The following DEPDC5 variants were observed in gnomAD, a reference collection of about 807,000 sequenced individuals.
DEPDC5 encodes the protein DEP domain containing 5, GATOR1 subcomplex subunit, also known as GATOR1 complex protein DEPDC5.
A neutral mutation model predicts 217.3 loss-of-function variants in DEPDC5; 73 were observed. That is an observed-to-expected ratio of 0.34 (90% CI 0.28 to 0.41). The LOEUF (loss-of-function observed/expected upper bound fraction) is 0.41, where lower values mean the gene tolerates loss of function less well. DEPDC5 is among the 10% of genes least tolerant of loss of function. The probability of loss-of-function intolerance (pLI) is 1.00; values close to 1 mark genes in which losing one functional copy is unlikely to be tolerated. For synonymous variants in DEPDC5, 733 were observed against 756.7 expected, an observed-to-expected ratio of 0.97 and a Z score of 0.51; for missense variants, 1,675 against 2,070.1, an observed-to-expected ratio of 0.81 and a Z score of 3.70.
At chr22:31,833,055 A>G (rs79098151) in intron 24 of DEPDC5, among the ~76,000 whole-genome samples, 3,802 of 152,288 alleles carry the variant, frequency 0.025, 59 homozygotes, top group African/African-American at 0.041. Context: ...CCTTTTTAAA[A>G]AAATATTTTT....
intron 32 of DEPDC5, among the ~76,000 whole-genome samples, chr22:31,860,051 T>C (rs1248499666): frequency 6.6e-6 from 1 of 152,204 alleles, no homozygotes; most frequent in Non-Finnish European, 1.5e-5. Context: ...AGAGAAATTA[T>C]AGTCGCAAAT....
At chr22:31,832,335 G>C (rs1602255990) in intron 24 of DEPDC5, among the ~76,000 whole-genome samples, 1 of 152,176 alleles carries the variant, frequency 6.6e-6, no homozygotes, top group African/African-American at 2.4e-5. Flanking sequence ...TGGTAAATCT[G>C]TTTTCCAAAG....
At chr22:31,883,021 C>T (rs989174890) in intron 38 of DEPDC5, among the ~76,000 whole-genome samples, 2 of 152,194 alleles carry the variant, frequency 1.3e-5, no homozygotes, top group Non-Finnish European at 2.9e-5. Flanking sequence ...GGTTTCTCAA[C>T]TTCAGCACTA....
intron 5 of DEPDC5, 73 bp downstream of exon 5, chr22:31,765,133 A>G: frequency 8.6e-7 from 1 of 1,166,670 alleles, no homozygotes; most frequent in African/African-American, 1.5e-5. Context: ...TACTAAGGAA[A>G]CAATGGGTTA....
At chr22:31,754,728 G>A in intron 1 of DEPDC5, 134 bp from the exon 2 acceptor site, 1 of 617,208 alleles carries the variant, frequency 1.6e-6, no homozygotes, top group Non-Finnish European at 2.9e-6. Flanking sequence ...AACTGGAGGA[G>A]TGACTTCTTC....
chr22:31,827,879 A>G (rs558286375), intron 24 of DEPDC5, among the ~76,000 whole-genome samples: 30 of 152,272 alleles, frequency 2.0e-4, no homozygotes, highest in African/African-American at 6.3e-4. Flanking sequence ...GTGAACCCAT[A>G]TGACTATTAA....
chr22:31,756,857 G>T (rs1448327587), intron 2 of DEPDC5, among the ~76,000 whole-genome samples: 1 of 151,606 alleles, frequency 6.6e-6, no homozygotes, highest in East Asian at 1.9e-4. Flanking sequence ...GGAGGCAGAG[G>T]TTGCAGTGAG....
At chr22:31,845,731 A>C (rs2091688888) in intron 30 of DEPDC5, among the ~76,000 whole-genome samples, 1 of 151,922 alleles carries the variant, frequency 6.6e-6, no homozygotes, top group Non-Finnish European at 1.5e-5. Flanking sequence ...TTTTTTTTAA[A>C]CATATAGTAT....
At chr22:31,814,835 G>C in intron 20 of DEPDC5, 157 bp from the exon 21 acceptor site, 1 of 671,832 alleles carries the variant, frequency 1.5e-6, no homozygotes, top group Non-Finnish European at 2.6e-6. Flanking sequence ...AGCTGTTAAG[G>C]GTGAAGTACC....
chr22:31,837,352 C>CTTT, intron 26 of DEPDC5, 197 bp downstream of exon 26: 4 of 544,504 alleles, frequency 7.3e-6, no homozygotes, highest in Middle Eastern at 5.1e-4. Flanking sequence ...TTTTTTTTTC[C>CTTT]TTTTTTTTTT....
chr22:31,845,128 A>G lies in DEPDC5; in HGVS notation c.2912A>G (p.Asp971Gly). 6.2e-7 allele frequency: 1 copy of G among 1,614,178 alleles called. No homozygotes were observed. The highest frequency in any genetic ancestry group is 1.7e-5 in the Admixed American group (1 of 60,020). ...GAGGCCCACTGCGACATCTATGGGGACAGGCCCCGTGCAGACGAGGACGAG... is the reference window on the plus strand; with the variant it reads ...GAGGCCCACTGCGACATCTATGGGGGCAGGCCCCGTGCAGACGAGGACGAG... ...EGEAHCDIYG[D>G]RPRADEDEWQ... Residue 971 changes from aspartate to glycine, a missense_variant, in exon 30 of 43, where the codon GAC (aspartate) becomes GGC (glycine). Coordinates refer to ENST00000651528, the MANE Select transcript of DEPDC5 (RefSeq NM_001242896.3).
At chr22:31,786,945 A>AT (rs1421270162) in intron 10 of DEPDC5, among the ~76,000 whole-genome samples, 2 of 151,872 alleles carry the variant, frequency 1.3e-5, no homozygotes, top group East Asian at 1.9e-4. Flanking sequence ...TGCCCAGCTA[A>AT]TTTTTTGTAT....
chr22:31,861,278 T>A, intron 32 of DEPDC5, 90 bp from the exon 33 acceptor site: 1 of 1,184,288 alleles, frequency 8.4e-7, no homozygotes, highest in Non-Finnish European at 1.2e-6. Flanking sequence ...TATACCTGTC[T>A]CCTTCCCCTG....
At chr22:31,867,604 T>G (rs749459496) in intron 33 of DEPDC5, among the ~76,000 whole-genome samples, 2 of 152,242 alleles carry the variant, frequency 1.3e-5, no homozygotes, top group African/African-American at 2.4e-5. Context: ...TGAAGTTTTA[T>G]TGTAATAGAG....
Position 31,815,149 on chromosome 22 carries a change from A to G in DEPDC5, c.1603A>G (p.Ile535Val). Residue 535 changes from isoleucine to valine, a missense_variant, in exon 21 of 43, where the codon ATC (isoleucine) becomes GTC (valine). Ile to Val is a conservative substitution (Grantham distance 29). Transcript: ENST00000651528. ...AGGCAAGAGTGCCAACATCCTGATGATCCCACACCCCCACCTGCACCAGTA... is the reference window on the plus strand; with the variant it reads ...AGGCAAGAGTGCCAACATCCTGATGGTCCCACACCCCCACCTGCACCAGTA... ...SLGKSANILM[I>V]PHPHLHQYEV... 6.2e-7 allele frequency: 1 copy of G among 1,614,174 alleles called. No homozygotes were observed. Among genetic ancestry groups the G allele is most frequent in the Non-Finnish European group, 8.5e-7 (1 of 1,180,028 alleles).
chr22:31,769,141 T>C (rs991375187), intron 7 of DEPDC5: 2 of 204,056 alleles, frequency 9.8e-6, no homozygotes, highest in African/African-American at 4.7e-5. Context: ...GCGCCTGTAG[T>C]CGCAGCTACT....
intron 4 of DEPDC5, among the ~76,000 whole-genome samples, chr22:31,763,496 G>C (rs1007204907): frequency 1.3e-5 from 2 of 151,488 alleles, no homozygotes; most frequent in African/African-American, 4.8e-5. Context: ...GGAGTGCAGT[G>C]GTGCAGTCAC....
intron 14 of DEPDC5, among the ~76,000 whole-genome samples, chr22:31,800,262 A>G (rs546640002): frequency 5.9e-5 from 9 of 152,268 alleles, no homozygotes; most frequent in South Asian, 4.2e-4. Flanking sequence ...CCTCCTAGGA[A>G]TGCAGACTAG....
intron 32 of DEPDC5, 71 bp from the exon 33 acceptor site, chr22:31,861,297 C>G (rs1179729880): frequency 2.8e-6 from 4 of 1,408,036 alleles, no homozygotes; most frequent in Non-Finnish European, 3.9e-6. Flanking sequence ...TGATGGTTAA[C>G]CACTGGTACA....
Sources: gnomAD v4.1 joint callset for allele counts (sites outside exome capture counted in the v4.1 genomes callset) on GRCh38, gnomAD v4.1.1 for gene constraint, MANE v1.5 for transcripts, NCBI Gene and HGNC (gene_info 2026-07-23, HGNC 2026-07-21) for gene names.